The following PFKFB3 variants were observed in gnomAD, a reference collection of about 807,000 sequenced individuals.
PFKFB3 encodes 6-phosphofructo-2-kinase/fructose-2,6-bisphosphatase 3.
Under a neutral mutation model 68.0 loss-of-function variants are expected in PFKFB3, and 33 were observed. The observed-to-expected ratio is 0.49, with a 90% CI of 0.37 to 0.65. The LOEUF is 0.65. Among genes scored for constraint, PFKFB3 ranks in the 30% least tolerant of loss-of-function variants. The pLI is 0.00. For synonymous variants in PFKFB3, 315 were observed against 288.2 expected (o/e 1.09, Z -0.94); for missense variants, 586 against 712.2 (o/e 0.82, Z 2.02).
At chr10:6,310,018 G>A in the PFKFB3 span, among the ~76,000 whole-genome samples, 108 of 152,214 alleles carry the variant, frequency 7.1e-4, no homozygotes, top group African/African-American at 2.0e-3. Context: ...AGCTGTTTTC[G>A]CATAAATCAT....
chr10:6,195,267 A>G (rs1039745898), intron 1 of PFKFB3, among the ~76,000 whole-genome samples: 2 of 152,230 alleles, frequency 1.3e-5, no homozygotes, highest in Non-Finnish European at 2.9e-5. Context: ...TTTAGGCATT[A>G]GTAGTGGCCA....
intron 1 of PFKFB3, among the ~76,000 whole-genome samples, chr10:6,177,438 C>CTTTCTT (rs1554842946): frequency 1.8e-4 from 16 of 86,716 alleles, no homozygotes; most frequent in East Asian, 7.9e-4. Flanking sequence ...TCTTTTCTTT[C>CTTTCTT]TCTTTCTTTC....
intron 1 of PFKFB3, among the ~76,000 whole-genome samples, chr10:6,204,109 C>A (rs1329978345): frequency 6.6e-6 from 1 of 152,236 alleles, no homozygotes; most frequent in African/African-American, 2.4e-5. Flanking sequence ...CAGTACCCTG[C>A]CCCGCCCCGC....
chr10:6,316,626 C>A, the PFKFB3 span, among the ~76,000 whole-genome samples: 4 of 152,092 alleles, frequency 2.6e-5, no homozygotes, highest in Non-Finnish European at 5.9e-5. Context: ...TACAGGCATG[C>A]ACCACCACAC....
intron 1 of PFKFB3, among the ~76,000 whole-genome samples, chr10:6,184,272 C>T (rs1377322392): frequency 2.6e-5 from 4 of 151,918 alleles, no homozygotes; most frequent in African/African-American, 7.3e-5. Flanking sequence ...AGCCTGGTCT[C>T]GAGCTTCTGA....
chr10:6,273,174 T>C, the PFKFB3 span, among the ~76,000 whole-genome samples: 3 of 151,870 alleles, frequency 2.0e-5, no homozygotes, highest in Admixed American at 6.6e-5. Context: ...GTGCGGCTAA[T>C]TTTTTTGTAT....
rs1444878028 is a variant in PFKFB3, at chr10:6,146,251, G to A, written c.16+1238G>A. ...CTCATAACTCAGAGGCACGGCCAGC[G>A]TGATGCTACGGTTGCCTGGAGGCTG... On this transcript the variant is annotated intron_variant, in intron 1 of 14. Transcript: ENST00000379789. 2.7e-6 allele frequency: 4 copies of A among 1,454,860 alleles called. No individual in the cohort carries two copies. In the East Asian group the frequency reaches 7.5e-5, roughly 27 times the overall value. The allele number at this position is 1,454,860 out of a possible 1,614,324, so 90.1% of individuals were successfully genotyped here.
the PFKFB3 span, among the ~76,000 whole-genome samples, chr10:6,267,304 A>G: frequency 1.3e-5 from 2 of 152,378 alleles, no homozygotes; most frequent in East Asian, 3.9e-4. Context: ...ATGTTCTGCC[A>G]TTGCTGGCTA....
chr10:6,219,809 G>GT lies in PFKFB3; in HGVS notation c.623+124dup, dbSNP rs370376669. Reference sequence around the variant, plus strand: ...CCTTTAAAAAAATTTTTTTAAGACAGTTTTTTTTGTAGAGATGAGGTCTCG... The same window carrying GT: ...CCTTTAAAAAAATTTTTTTAAGACAGTTTTTTTTTGTAGAGATGAGGTCTCG... On this transcript the variant is annotated intron_variant, in intron 7 of 14. Coordinates refer to ENST00000379775, the MANE Select transcript of PFKFB3 (RefSeq NM_004566.4). 2.9e-3 allele frequency: 3,150 copies of GT among 1,082,824 alleles called. 11 individuals carry two copies. The highest frequency in any genetic ancestry group is 3.5e-3 in the Non-Finnish European group (2,683 of 759,222). The allele number at this position is 1,082,824 out of a possible 1,614,324, so 67.1% of individuals were successfully genotyped here. A position where few individuals can be genotyped will look rare whatever the true frequency, so the allele number is the denominator to read the frequency against.
intron 1 of PFKFB3, among the ~76,000 whole-genome samples, chr10:6,184,660 G>A (rs12251184): frequency 0.14 from 21,794 of 151,528 alleles, 1,906 homozygotes; most frequent in East Asian, 0.28. Context: ...CAGTAGAGAC[G>A]GGGGTTTTAC....
chr10:6,176,467 G>GT (rs1842476071), intron 1 of PFKFB3, among the ~76,000 whole-genome samples: 1 of 152,052 alleles, frequency 6.6e-6, no homozygotes, highest in Non-Finnish European at 1.5e-5. Context: ...GAGTACAGTG[G>GT]GCCCATCATC....
chr10:6,174,296 TTTCCCGTCCA>T (rs1842395982), intron 1 of PFKFB3, among the ~76,000 whole-genome samples: 1 of 152,220 alleles, frequency 6.6e-6, no homozygotes, highest in Non-Finnish European at 1.5e-5. Context: ...CATCGTGACC[TTTCCCGTCCA>T]GCCTTACAGC....
chr10:6,232,949 C>T lies in PFKFB3; in HGVS notation c.*7C>T, dbSNP rs373386969. On this transcript the variant is annotated 3_prime_UTR_variant, in exon 15 of 15. Transcript: ENST00000379775. ...CTCCTCCAGGAAACACTGAGGCAGACGTGTCGGTTCCATTCCATTTCCATT... is the reference window on the plus strand; with the variant it reads ...CTCCTCCAGGAAACACTGAGGCAGATGTGTCGGTTCCATTCCATTTCCATT... The T allele has an allele frequency of 2.9e-5, 47 of 1,607,954 alleles. No homozygotes were observed. Among genetic ancestry groups the T allele is most frequent in the East Asian group, 4.5e-5 (2 of 44,868 alleles).
chr10:6,301,639 A>T, the PFKFB3 span, among the ~76,000 whole-genome samples: 1 of 152,222 alleles, frequency 6.6e-6, no homozygotes, highest in South Asian at 2.1e-4. Context: ...GATGTAACTG[A>T]TGACAACTTG....
chr10:6,239,063 G>A (rs1322619927), downstream of PFKFB3, among the ~76,000 whole-genome samples: 1 of 152,124 alleles, frequency 6.6e-6, no homozygotes, highest in Non-Finnish European at 1.5e-5. Context: ...GGAACAACTT[G>A]TATTCCTTTG....
At chr10:6,158,068 G>A (rs918929366) in intron 1 of PFKFB3, among the ~76,000 whole-genome samples, 63 of 151,568 alleles carry the variant, frequency 4.2e-4, no homozygotes, top group African/African-American at 3.2e-4. Context: ...GGTGGATCAC[G>A]AGGTCAGGAG....
intron 1 of PFKFB3, among the ~76,000 whole-genome samples, chr10:6,186,273 C>T (rs1588440866): frequency 6.6e-6 from 1 of 152,168 alleles, no homozygotes; most frequent in Non-Finnish European, 1.5e-5. Flanking sequence ...AGTGGCTTAA[C>T]TCCATGGAAC....
chr10:6,320,256 C>T, the PFKFB3 span, among the ~76,000 whole-genome samples: 1 of 152,232 alleles, frequency 6.6e-6, no homozygotes, highest in East Asian at 1.9e-4. Flanking sequence ...ACACAGCCTA[C>T]AGTGGATAAA....
At chr10:6,166,906 C>T (rs183607545) in intron 1 of PFKFB3, among the ~76,000 whole-genome samples, 6 of 151,018 alleles carry the variant, frequency 4.0e-5, no homozygotes, top group Admixed American at 2.0e-4. Context: ...CTCAGCTCAC[C>T]GAAACCTCTG....
Sources: allele counts gnomAD v4.1 joint callset (sites outside exome capture counted in the v4.1 genomes callset), GRCh38; gene constraint gnomAD v4.1.1; transcripts MANE v1.5; gene names NCBI Gene and HGNC (gene_info 2026-07-23, HGNC 2026-07-21).